Variants in CHSY3 observed in about 807,000 individuals in gnomAD.
CHSY3 encodes the protein N-acetylgalactosaminyl-proteoglycan 3-beta-glucuronosyltransferase 3.
CHSY3 carries 35 observed loss-of-function variants against 67.2 expected under a neutral mutation model. That is an observed-to-expected ratio of 0.52 (90% CI 0.40 to 0.69). The LOEUF is 0.69. CHSY3 is among the 30% of genes least tolerant of loss of function. CHSY3 has a pLI of 0.00. For missense variants in CHSY3, 1,069 were observed against 1,138.5 expected, an observed-to-expected ratio of 0.94 and a Z score of 0.88; for synonymous variants, 474 against 434.7, an observed-to-expected ratio of 1.09 and a Z score of -1.12.
rs549621285 is a variant in CHSY3, at chr5:130,184,214, A to T, written c.1087-15A>T. 122 of 1,453,340 alleles carry T rather than the reference A, an allele frequency of 8.4e-5. 1 individual carries two copies. The South Asian group carries it at 1.8e-3, about 21-fold the overall frequency. 90.0% of individuals were successfully genotyped at this position (1,453,340 alleles called of 1,614,324 possible). A position where few individuals can be genotyped will look rare whatever the true frequency, so the allele number is the denominator to read the frequency against. The stretch of plus-strand genomic sequence containing the variant: ...TTTTAAAATTAACCCTGATTTTTTT[A>T]ATTTTACTTTTCAGATGCAACAACT... On this transcript the variant is annotated splice_polypyrimidine_tract_variant and intron_variant, in intron 2 of 2. Coordinates refer to ENST00000305031, the MANE Select transcript of CHSY3 (RefSeq NM_175856.5).
intron 2 of CHSY3, among the ~76,000 whole-genome samples, chr5:130,180,179 C>T (rs944022328): frequency 3.9e-5 from 6 of 152,188 alleles, no homozygotes; most frequent in African/African-American, 9.6e-5. Flanking sequence ...CTTAGCCTCT[C>T]ATTTCCCCCT....
chr5:129,955,670 C>T (rs1762150310), intron 2 of CHSY3, among the ~76,000 whole-genome samples: 1 of 151,902 alleles, frequency 6.6e-6, no homozygotes, highest in Admixed American at 6.6e-5. Context: ...AGTTATTTTT[C>T]CTGTTCCTCT....
Position 129,941,123 on chromosome 5 carries a change from C to T in CHSY3, c.1086+32763C>T, listed in dbSNP as rs148721493. Among the ~76,000 whole-genome samples the T allele has an allele frequency of 2.0e-3, 311 of 152,184 alleles. 3 individuals are homozygous for T. The highest frequency in any genetic ancestry group is 6.8e-3 in the African/African-American group (284 of 41,524). ...GTGATCCCATGTGGTCCCAGCTATT[C>T]CGGAGGCTGAAGTGAGAGGATTGCA... On this transcript the variant is annotated intron_variant, in intron 2 of 2. Transcript: ENST00000305031.
intron 2 of CHSY3, among the ~76,000 whole-genome samples, chr5:130,055,905 G>A (rs1765516969): frequency 6.6e-6 from 1 of 152,048 alleles, no homozygotes; most frequent in African/African-American, 2.4e-5. Flanking sequence ...CAATACCAAG[G>A]GACAACGTAT....
At chr5:130,002,167 C>G (rs1255395301) in intron 2 of CHSY3, 2 of 552,686 alleles carry the variant, frequency 3.6e-6, no homozygotes, top group Non-Finnish European at 4.6e-6. Context: ...ACCTTGTATG[C>G]CATAGGGCTC....
intron 2 of CHSY3, among the ~76,000 whole-genome samples, chr5:130,065,251 A>G (rs561802028): frequency 6.6e-6 from 1 of 152,180 alleles, no homozygotes; most frequent in South Asian, 2.1e-4. Flanking sequence ...CACCTTTGCT[A>G]GGTAATAGCA....
chr5:129,913,992 G>A (rs1760654077), intron 2 of CHSY3, among the ~76,000 whole-genome samples: 1 of 152,162 alleles, frequency 6.6e-6, no homozygotes, highest in Admixed American at 6.5e-5. Flanking sequence ...ATATCAGAAA[G>A]CTGTACCATA....
intron 2 of CHSY3, among the ~76,000 whole-genome samples, chr5:130,127,991 A>T (rs1561549643): frequency 1.3e-5 from 2 of 152,178 alleles, no homozygotes; most frequent in African/African-American, 2.4e-5. Flanking sequence ...TAATTTATTC[A>T]CAAAGTTTGA....
At chr5:130,133,941 A>C (rs1241071161) in intron 2 of CHSY3, among the ~76,000 whole-genome samples, 2 of 152,066 alleles carry the variant, frequency 1.3e-5, no homozygotes, top group Non-Finnish European at 2.9e-5. Flanking sequence ...CAGTTATTTC[A>C]TAAAAACTAT....
intron 2 of CHSY3, among the ~76,000 whole-genome samples, chr5:130,062,845 A>G (rs914116027): frequency 3.3e-5 from 5 of 152,198 alleles, no homozygotes; most frequent in African/African-American, 1.2e-4. Context: ...ATTTTAAGTT[A>G]TATATTAACT....
chr5:130,104,074 C>G (rs914303661), intron 2 of CHSY3, among the ~76,000 whole-genome samples: 8 of 151,860 alleles, frequency 5.3e-5, no homozygotes, highest in Admixed American at 1.3e-4. Flanking sequence ...TTTTATGTTA[C>G]CTTTAGTTTA....
intron 2 of CHSY3, among the ~76,000 whole-genome samples, chr5:130,147,876 T>G (rs770264807): frequency 2.6e-5 from 4 of 152,196 alleles, no homozygotes; most frequent in Non-Finnish European, 5.9e-5. Flanking sequence ...ACCTCAAGTT[T>G]AAGGGAACAT....
chr5:129,947,614 T>C (rs1019352692), intron 2 of CHSY3, among the ~76,000 whole-genome samples: 2 of 114,418 alleles, frequency 1.7e-5, no homozygotes, highest in African/African-American at 8.6e-5. Flanking sequence ...ATAGCGAGAC[T>C]CCATCTCAAA....
At chr5:130,178,677 T>C (rs1190739312) in intron 2 of CHSY3, among the ~76,000 whole-genome samples, 2 of 152,142 alleles carry the variant, frequency 1.3e-5, no homozygotes, top group Admixed American at 1.3e-4. Flanking sequence ...CTATCCTTAA[T>C]AAACTGCTCA....
intron 2 of CHSY3, among the ~76,000 whole-genome samples, chr5:130,171,024 G>A (rs1025004276): frequency 1.3e-5 from 2 of 152,078 alleles, no homozygotes; most frequent in African/African-American, 4.8e-5. Flanking sequence ...AATAAAGGGT[G>A]TGTGCGTGTT....
intron 2 of CHSY3, among the ~76,000 whole-genome samples, chr5:130,018,964 G>C (rs966434670): frequency 6.6e-6 from 1 of 152,006 alleles, no homozygotes; most frequent in South Asian, 2.1e-4. Context: ...CTTCCCCTCG[G>C]ACCATCTCTG....
At chr5:130,050,148 A>G (rs1765289740) in intron 2 of CHSY3, among the ~76,000 whole-genome samples, 1 of 152,156 alleles carries the variant, frequency 6.6e-6, no homozygotes, top group Non-Finnish European at 1.5e-5. Context: ...GTGAATACAC[A>G]TCAAACTACA....
At chr5:129,987,479 A>G (rs1236701107) in intron 2 of CHSY3, among the ~76,000 whole-genome samples, 3 of 152,208 alleles carry the variant, frequency 2.0e-5, no homozygotes, top group Non-Finnish European at 4.4e-5. Flanking sequence ...TCGTGATATC[A>G]ACTCCTTTAT....
chr5:130,030,874 A>G lies in CHSY3; in HGVS notation c.1086+122514A>G, dbSNP rs543186424. On this transcript the variant is annotated intron_variant, in intron 2 of 2. Transcript: ENST00000305031. ...TTTGAGGATGGTCTAAAGAATGGTA[A>G]TTAAGGCTTGTTATAATACATTTTG... Among the ~76,000 whole-genome samples, 4 of 152,226 alleles carry G rather than the reference A, an allele frequency of 2.6e-5. No homozygotes were observed. In the South Asian group the frequency reaches 8.3e-4, roughly 32 times the overall value.
Sources: gnomAD v4.1 joint callset for allele counts (sites outside exome capture counted in the v4.1 genomes callset) on GRCh38, gnomAD v4.1.1 for gene constraint, MANE v1.5 for transcripts, NCBI Gene and HGNC (gene_info 2026-07-23, HGNC 2026-07-21) for gene names.